Variants in SERINC5 observed in about 807,000 individuals in gnomAD.
The protein encoded by SERINC5 is serine incorporator 5.
A neutral mutation model predicts 63.1 loss-of-function variants in SERINC5; 41 were observed. The observed-to-expected ratio is 0.65, with a 90% CI of 0.51 to 0.84. The LOEUF is 0.84. Ranked by LOEUF, SERINC5 falls within the 40% of genes least tolerant of loss-of-function variation. SERINC5 has a pLI of 0.00. For missense variants in SERINC5, 523 were observed against 573.0 expected (o/e 0.91, Z 0.89); for synonymous variants, 222 against 215.2 (o/e 1.03, Z -0.28).
rs1745376747 is a variant in SERINC5 at position 80,139,590 on chromosome 5, G to C, written c.*4073C>G. 6 of 967,416 alleles carry C rather than the reference G, an allele frequency of 6.2e-6. No homozygotes were observed. The South Asian group carries it at 3.0e-4, about 48-fold the overall frequency. The allele number at this position is 967,416 out of a possible 1,614,324, so 59.9% of individuals were successfully genotyped here. ...CCTCTGTGAAAGAGTTGTTGAGAAA[G>C]AAGAAAAGAGAGAGAGAGAGAAAGG... On this transcript the variant is annotated 3_prime_UTR_variant, in exon 12 of 12. Transcript: ENST00000507668.
intron 11 of SERINC5, among the ~76,000 whole-genome samples, chr5:80,117,642 G>GAA (rs11431034): frequency 0.15 from 18,830 of 124,332 alleles, 1,710 homozygotes; most frequent in South Asian, 0.2. Context: ...TGTGGCTACT[G>GAA]AAAAAAAAAA....
At chr5:80,193,535 C>T (rs973168372) in intron 2 of SERINC5, among the ~76,000 whole-genome samples, 4 of 152,228 alleles carry the variant, frequency 2.6e-5, no homozygotes, top group African/African-American at 9.6e-5. Flanking sequence ...ATCCAGCTGA[C>T]ACCTGGTGCT....
intron 9 of SERINC5, among the ~76,000 whole-genome samples, chr5:80,148,692 A>G (rs532009903): frequency 1.3e-5 from 2 of 151,948 alleles, no homozygotes; most frequent in Non-Finnish European, 2.9e-5. Flanking sequence ...AAAGAAAAAA[A>G]GTATGTGATT....
At chr5:80,207,917 C>T (rs1194235446) in intron 1 of SERINC5, among the ~76,000 whole-genome samples, 1 of 152,180 alleles carries the variant, frequency 6.6e-6, no homozygotes, top group African/African-American at 2.4e-5. Flanking sequence ...GCCCTGCTGA[C>T]TGAACACGTG....
At chr5:80,161,013 T>TATACAC (rs766806710) in intron 7 of SERINC5, among the ~76,000 whole-genome samples, 7 of 147,438 alleles carry the variant, frequency 4.7e-5, no homozygotes, top group Non-Finnish European at 7.5e-5. Flanking sequence ...CGTGTATATA[T>TATACAC]ACGTGTATAT....
At chr5:80,217,401 A>G (rs918211859) in intron 1 of SERINC5, among the ~76,000 whole-genome samples, 1 of 152,110 alleles carries the variant, frequency 6.6e-6, no homozygotes, top group Admixed American at 6.6e-5. Flanking sequence ...CTGCCAAGCC[A>G]CGGAGTGCTT....
chr5:80,114,349 C>A (rs1198856021), intron 11 of SERINC5, among the ~76,000 whole-genome samples: 2 of 151,884 alleles, frequency 1.3e-5, no homozygotes, highest in Non-Finnish European at 2.9e-5. Flanking sequence ...GAAGAAACTG[C>A]CACTCTTAAA....
intron 1 of SERINC5, among the ~76,000 whole-genome samples, chr5:80,216,328 T>C (rs1750662342): frequency 6.6e-6 from 1 of 152,110 alleles, no homozygotes; most frequent in East Asian, 1.9e-4. Flanking sequence ...ATCAGAAATG[T>C]CTCCAGACAA....
chr5:80,151,507 A>G (rs1336711833), intron 8 of SERINC5, among the ~76,000 whole-genome samples: 1 of 152,250 alleles, frequency 6.6e-6, no homozygotes. Flanking sequence ...TGCATGGGGC[A>G]AAATAATTTA....
At position 80,177,933 on chromosome 5, in the gene SERINC5, G is replaced by C; in HGVS notation, c.327C>G (p.Thr109=). The change falls in exon 3 of 12, where the codon ACC becomes ACG. Residue 109 remains threonine, a synonymous_variant. Transcript: ENST00000507668. ...ACFFFIFCLL[T]LKINNSKSCR... is the part of the protein sequence containing the mutation. ...AACTTTTGCTGTTGTTGATTTTCAA[G>C]GTCAGTAGACAGAAGATAAAGAAGA... 6.2e-7 allele frequency: 1 copy of C among 1,611,922 alleles called. No homozygotes were observed. Among genetic ancestry groups the C allele is most frequent in the Non-Finnish European group, 8.5e-7 (1 of 1,179,082 alleles).
chr5:80,162,640 C>T (rs78591499), intron 7 of SERINC5, among the ~76,000 whole-genome samples: 12,342 of 152,278 alleles, frequency 0.081, 1,710 homozygotes, highest in African/African-American at 0.28. Context: ...TCCCAAAGTG[C>T]TGGGATCACA....
At chr5:80,247,140 G>A (rs1752203111) in intron 1 of SERINC5, among the ~76,000 whole-genome samples, 1 of 152,192 alleles carries the variant, frequency 6.6e-6, no homozygotes, top group South Asian at 2.1e-4. Context: ...AGACATATCA[G>A]CTTATATGAA....
At chr5:80,173,583 G>A (rs574816278) in intron 5 of SERINC5, among the ~76,000 whole-genome samples, 2 of 151,788 alleles carry the variant, frequency 1.3e-5, no homozygotes, top group African/African-American at 2.4e-5. Flanking sequence ...GCGACAGAAC[G>A]AGACTCTGTC....
downstream of SERINC5, chr5:80,138,649 C>A (rs1745317739): frequency 1.9e-5 from 4 of 211,462 alleles, no homozygotes; most frequent in Non-Finnish European, 3.3e-5. Flanking sequence ...GTTCTCAGCA[C>A]AAAAACATGA....
In SERINC5 at chr5:80,141,823, A is replaced by C. The variant is rs1745527802; in HGVS notation, c.*1840T>G. 1 of 985,334 alleles carries C rather than the reference A, an allele frequency of 1.0e-6. No individual in the cohort carries two copies. The highest frequency in any genetic ancestry group is 4.7e-5 in the South Asian group (1 of 21,294). 61.0% of individuals were successfully genotyped at this position (985,334 alleles called of 1,614,324 possible). ...AAAAAGGAAATTTAATGGAATTTAC[A>C]AAACAAGGCTCTCTAAACCACACAC... On this transcript the variant is annotated 3_prime_UTR_variant, in exon 12 of 12. Transcript: ENST00000507668.
intron 11 of SERINC5, among the ~76,000 whole-genome samples, chr5:80,130,675 G>T (rs1462639254): frequency 6.6e-6 from 1 of 152,146 alleles, no homozygotes; most frequent in Non-Finnish European, 1.5e-5. Context: ...CCTAAATAGA[G>T]TTTAGACATT....
chr5:80,237,482 C>T (rs149811751), intron 1 of SERINC5, among the ~76,000 whole-genome samples: 9 of 151,970 alleles, frequency 5.9e-5, no homozygotes, highest in East Asian at 5.9e-4. Flanking sequence ...TACAAGTGCA[C>T]GCCACCACGC....
chr5:80,123,526 T>G (rs530354033), intron 11 of SERINC5, among the ~76,000 whole-genome samples: 1 of 152,320 alleles, frequency 6.6e-6, no homozygotes, highest in South Asian at 2.1e-4. Context: ...CAGTTCCTTG[T>G]GCTGAGTTGT....
chr5:80,155,067 C>T (rs1215786448), intron 8 of SERINC5, among the ~76,000 whole-genome samples: 1 of 152,206 alleles, frequency 6.6e-6, no homozygotes, highest in South Asian at 2.1e-4. Flanking sequence ...AGGCTCCATG[C>T]TTCCTTACAT....
Sources: allele counts gnomAD v4.1 joint callset (sites outside exome capture counted in the v4.1 genomes callset), GRCh38; gene constraint gnomAD v4.1.1; transcripts MANE v1.5; gene names NCBI Gene and HGNC (gene_info 2026-07-23, HGNC 2026-07-21).